Variants in TMEM38B observed in about 807,000 individuals in gnomAD.
TMEM38B encodes the protein transmembrane protein 38B.
A neutral mutation model predicts 28.7 loss-of-function variants in TMEM38B; 24 were observed. That is an observed-to-expected ratio of 0.84 (90% CI 0.61 to 1.18). The LOEUF (loss-of-function observed/expected upper bound fraction) is 1.18, where lower values mean the gene tolerates loss of function less well. Among genes scored for constraint, TMEM38B ranks in the 50% most tolerant of loss-of-function variants. TMEM38B has a pLI of 0.00. For missense variants in TMEM38B, 380 were observed against 350.9 expected, an observed-to-expected ratio of 1.08 and a Z score of -0.66; for synonymous variants, 131 against 127.7, an observed-to-expected ratio of 1.03 and a Z score of -0.17.
chr9:105,766,576 T>A (rs915499396), intron 5 of TMEM38B, among the ~76,000 whole-genome samples: 8 of 152,166 alleles, frequency 5.3e-5, no homozygotes, highest in African/African-American at 1.9e-4. Context: ...TAGTGTTGTC[T>A]TTAGAAGAGC....
In TMEM38B at chr9:105,748,925, T is replaced by C. The variant is rs1242438290; in HGVS notation, c.660+735T>C. ...TTGTAATAAGATTATTATTTAAGTCTAGAAAATTTTATGGCCACCTCTGTT... is the reference window on the plus strand; with the variant it reads ...TTGTAATAAGATTATTATTTAAGTCCAGAAAATTTTATGGCCACCTCTGTT... On this transcript the variant is annotated intron_variant, in intron 5 of 5. Transcript: ENST00000374692. The C allele has an allele frequency of 2.8e-5, 11 of 394,462 alleles. No homozygotes were observed. The East Asian group carries it at 9.0e-4, about 32-fold the overall frequency. The allele number at this position is 394,462 out of a possible 1,614,324, so 24.4% of individuals were successfully genotyped here.
chr9:105,765,330 A>C (rs1432804476), intron 5 of TMEM38B, among the ~76,000 whole-genome samples: 1 of 152,250 alleles, frequency 6.6e-6, no homozygotes, highest in Non-Finnish European at 1.5e-5. Context: ...AACTTTTTAG[A>C]AGTATAATTT....
intron 5 of TMEM38B, chr9:105,759,402 G>A (rs1205255429): frequency 6.6e-7 from 1 of 1,512,160 alleles, no homozygotes; most frequent in Non-Finnish European, 9.0e-7. Flanking sequence ...ATTCTACTGA[G>A]AGACTACGGA....
rs1410343556 is a variant in TMEM38B, at chr9:105,776,451, G to A, written c.*2371G>A. 1 of 151,874 alleles carries A rather than the reference G, an allele frequency of 6.6e-6. No individual in the cohort carries two copies. The highest frequency in any genetic ancestry group is 1.5e-5 in the Non-Finnish European group (1 of 67,976). 9.4% of individuals were successfully genotyped at this position (151,874 alleles called of 1,614,324 possible). A position where few individuals can be genotyped will look rare whatever the true frequency, so the allele number is the denominator to read the frequency against. On this transcript the variant is annotated 3_prime_UTR_variant, in exon 6 of 6. Transcript: ENST00000374692. ...TGACAGAAGGGAGACTCTGATTAGT[G>A]TATTTTTTTTTTGTCTATTCCTTAA...
In TMEM38B at chr9:105,771,672, A is replaced by T. The variant is rs867911931; in HGVS notation, c.661-2193A>T. ...TATTTATTCTAAGGAATAATTTAAT[A>T]TAAAAAAGTCCTTAGATCTTATCCA... On this transcript the variant is annotated intron_variant, in intron 5 of 5. Transcript: ENST00000374692. Among the ~76,000 whole-genome samples, 6 of 151,732 alleles carry T rather than the reference A, an allele frequency of 4.0e-5. No individual in the cohort carries two copies. In the South Asian group the frequency reaches 1.2e-3, roughly 31 times the overall value.
intron 1 of TMEM38B, among the ~76,000 whole-genome samples, chr9:105,697,311 T>G (rs1471633448): frequency 6.6e-6 from 1 of 152,200 alleles, no homozygotes. Context: ...CACGTGATTA[T>G]TGAATACTTA....
intron 4 of TMEM38B, among the ~76,000 whole-genome samples, chr9:105,744,902 A>G (rs1462509234): frequency 4.6e-5 from 7 of 152,232 alleles, no homozygotes; most frequent in Non-Finnish European, 1.0e-4. Flanking sequence ...CCATGTCCCT[A>G]CAAAGGACAT....
At chr9:105,732,532 G>T (rs1473888937) in intron 4 of TMEM38B, among the ~76,000 whole-genome samples, 1 of 152,178 alleles carries the variant, frequency 6.6e-6, no homozygotes, top group Non-Finnish European at 1.5e-5. Flanking sequence ...CATGTGGCTA[G>T]CCAGTTTTCC....
intron 2 of TMEM38B, chr9:105,710,565 C>T (rs1835863701): frequency 2.1e-6 from 2 of 947,390 alleles, no homozygotes; most frequent in Non-Finnish European, 3.5e-6. Context: ...CACTTTCTGT[C>T]CAAATTATAT....
At chr9:105,772,478 T>G (rs961674027) in intron 5 of TMEM38B, among the ~76,000 whole-genome samples, 1 of 152,136 alleles carries the variant, frequency 6.6e-6, no homozygotes, top group African/African-American at 2.4e-5. Flanking sequence ...GGAACTCACT[T>G]TATTCAGCTT....
intron 4 of TMEM38B, among the ~76,000 whole-genome samples, chr9:105,744,840 G>T (rs1254964207): frequency 6.6e-6 from 1 of 152,084 alleles, no homozygotes; most frequent in East Asian, 1.9e-4. Flanking sequence ...TGTGGTGTTT[G>T]GTTTTTTGGT....
At chr9:105,767,499 T>C (rs1280309898) in intron 5 of TMEM38B, among the ~76,000 whole-genome samples, 1 of 152,216 alleles carries the variant, frequency 6.6e-6, no homozygotes, top group Admixed American at 6.5e-5. Context: ...GGAATTGTTT[T>C]TGAGATTGCA....
chr9:105,707,651 T>C (rs1000897590), intron 2 of TMEM38B, among the ~76,000 whole-genome samples: 1 of 152,242 alleles, frequency 6.6e-6, no homozygotes, highest in African/African-American at 2.4e-5. Flanking sequence ...TTCATTGTTA[T>C]ATTTAATCAG....
At position 105,753,666 on chromosome 9, in the gene TMEM38B, G is replaced by A. The variant is rs1474023411; in HGVS notation, c.660+5476G>A. 2.6e-5 allele frequency among the ~76,000 whole-genome samples: 4 copies of A among 152,110 alleles called. No individual in the cohort carries two copies. The South Asian group carries it at 6.2e-4, about 24-fold the overall frequency. ...TGCTTTGCAAGAGCTCCTGAAGGAA[G>A]CACTAAATATGGAAAGGAAAAACCA... is the stretch of plus-strand genomic sequence containing the variant. On this transcript the variant is annotated intron_variant, in intron 5 of 5. Transcript: ENST00000374692.
intron 5 of TMEM38B, chr9:105,760,253 T>C: frequency 1.2e-6 from 1 of 807,618 alleles, no homozygotes; most frequent in Non-Finnish European, 2.2e-6. Context: ...AAATCACCGA[T>C]GATACATACC....
intron 1 of TMEM38B, among the ~76,000 whole-genome samples, chr9:105,696,204 G>T (rs1445727342): frequency 2.6e-5 from 4 of 152,170 alleles, no homozygotes; most frequent in Non-Finnish European, 5.9e-5. Flanking sequence ...CCAGACATTT[G>T]TTAGAATGTA....
intron 5 of TMEM38B, among the ~76,000 whole-genome samples, chr9:105,766,674 T>C (rs1432581410): frequency 6.6e-6 from 1 of 152,142 alleles, no homozygotes; most frequent in African/African-American, 2.4e-5. Context: ...ACTATTTTAT[T>C]CCTCAAGGTT....
At chr9:105,761,652 A>G (rs192199963) in intron 5 of TMEM38B, among the ~76,000 whole-genome samples, 39 of 152,316 alleles carry the variant, frequency 2.6e-4, no homozygotes, top group African/African-American at 7.0e-4. Flanking sequence ...ACTGACTTCT[A>G]TGATGATGGA....
intron 1 of TMEM38B, among the ~76,000 whole-genome samples, chr9:105,695,612 T>G (rs936462705): frequency 6.6e-6 from 1 of 152,240 alleles, no homozygotes. Context: ...TGCTTTTAGT[T>G]GTATGGACCT....
Sources: gnomAD v4.1 joint callset for allele counts (sites outside exome capture counted in the v4.1 genomes callset) on GRCh38, gnomAD v4.1.1 for gene constraint, MANE v1.5 for transcripts, NCBI Gene and HGNC (gene_info 2026-07-23, HGNC 2026-07-21) for gene names.